The following DNAAF9 variants were observed in gnomAD, a reference collection of about 807,000 sequenced individuals.
The protein encoded by DNAAF9 is shulin.
DNAAF9 carries 90 observed loss-of-function variants against 167.0 expected under a neutral mutation model. That is an observed-to-expected ratio of 0.54 (90% confidence interval 0.45 to 0.64). DNAAF9 has a LOEUF of 0.64. DNAAF9 is among the 30% of genes least tolerant of loss of function. The probability of loss-of-function intolerance (pLI) is 0.00; values close to 1 mark genes in which losing one functional copy is unlikely to be tolerated. For missense variants in DNAAF9, 1,315 were observed against 1,442.2 expected (o/e 0.91, Z 1.43); for synonymous variants, 491 against 508.8 (o/e 0.96, Z 0.47).
chr20:3,342,139 G>C (rs1213046556), intron 9 of DNAAF9, among the ~76,000 whole-genome samples: 1 of 152,144 alleles, frequency 6.6e-6, no homozygotes, highest in East Asian at 1.9e-4. Context: ...ATGATCTGGT[G>C]AACTTTCTCA....
chr20:3,253,429 G>A (rs1046797964), intron 36 of DNAAF9, among the ~76,000 whole-genome samples: 1 of 152,076 alleles, frequency 6.6e-6, no homozygotes, highest in African/African-American at 2.4e-5. Context: ...CAGCAAGAGT[G>A]AAACTCCATC....
intron 8 of DNAAF9, among the ~76,000 whole-genome samples, chr20:3,344,781 T>C (rs1379229673): frequency 2.0e-5 from 3 of 152,178 alleles, no homozygotes; most frequent in Non-Finnish European, 2.9e-5. Flanking sequence ...CATGTCTACC[T>C]ACAATATGAG....
At chr20:3,379,161 G>A (rs988886246) in intron 3 of DNAAF9, among the ~76,000 whole-genome samples, 5 of 151,864 alleles carry the variant, frequency 3.3e-5, no homozygotes, top group Admixed American at 6.6e-5. Flanking sequence ...TTAGGATCCC[G>A]TAAGAGACAT....
At chr20:3,367,847 G>A (rs778598111) in intron 6 of DNAAF9, among the ~76,000 whole-genome samples, 4 of 150,872 alleles carry the variant, frequency 2.7e-5, no homozygotes, top group Non-Finnish European at 5.9e-5. Flanking sequence ...AAGTGAACAC[G>A]TGCTGTTGGA....
chr20:3,290,135 C>A lies in DNAAF9; in HGVS notation c.2321G>T (p.Cys774Phe). The part of the protein sequence containing the change: ...CAFLVTLHKE[C>F]GRWMVYRQIM... ...AGGCATCAGCCATACTAACCTGCCA[C>A]ATTCCTTATGCAGAGTGACCAGAAA... The change falls in exon 26 of 37, where the codon TGT becomes TTT. Residue 774 changes from cysteine (C) to phenylalanine (F), a missense_variant. Physicochemically the swap from Cys to Phe is radical, Grantham distance 205. Around this residue, in one of 2 missense-constraint regions of DNAAF9, gnomAD observed 981 missense variants for 1,012.5 expected, o/e 0.97. Transcript: ENST00000252032. The A allele has an allele frequency of 2.5e-6, 4 of 1,606,696 alleles. No individual in the cohort carries two copies. Among genetic ancestry groups the A allele is most frequent in the Non-Finnish European group, 3.4e-6 (4 of 1,173,114 alleles).
intron 9 of DNAAF9, among the ~76,000 whole-genome samples, chr20:3,341,187 C>T (rs1340789736): frequency 6.6e-6 from 1 of 152,140 alleles, no homozygotes; most frequent in Non-Finnish European, 1.5e-5. Context: ...TTTCTGCTCA[C>T]TCCTCAGCCC....
rs368185350 is a variant in DNAAF9 at position 3,332,313 on chromosome 20, A to G, written c.1030T>C (p.Tyr344His). The stretch of plus-strand genomic sequence containing the variant: ...GGAACATGAGTAGCTCCAAAAAAGT[A>G]TGTTCTCGAACAAGCAAGAGGTCCC... ...PKGPLACSRT[Y>H]FFGATHVPYL... is the part of the protein sequence containing the mutation. Residue 344 changes from tyrosine (Y) to histidine (H), a missense_variant, in exon 11 of 37, where the codon TAC becomes CAC. Coordinates refer to ENST00000252032, the MANE Select transcript of DNAAF9 (RefSeq NM_001009984.3). 3 of 1,606,554 alleles carry G rather than the reference A, an allele frequency of 1.9e-6. No individual in the cohort carries two copies. Among genetic ancestry groups the G allele is most frequent in the Non-Finnish European group, 2.6e-6 (3 of 1,173,348 alleles).
chr20:3,367,128 G>A lies in DNAAF9; in HGVS notation c.612+6920C>T, dbSNP rs970037586. Among the ~76,000 whole-genome samples the A allele has an allele frequency of 3.9e-5, 6 of 152,144 alleles. No homozygotes were observed. The South Asian group carries it at 1.2e-3, about 32-fold the overall frequency. On this transcript the variant is annotated intron_variant, in intron 6 of 36. Transcript: ENST00000252032. ...TTACTGCTTCATCTTGCACTTTTATGTTTTAGAGACAGCTTCTTTCCTTAA... is the reference window on the plus strand; with the variant it reads ...TTACTGCTTCATCTTGCACTTTTATATTTTAGAGACAGCTTCTTTCCTTAA...
Position 3,348,638 on chromosome 20 carries a change from A to G in DNAAF9, c.691-15T>C. 1 of 1,540,860 alleles carries G rather than the reference A, an allele frequency of 6.5e-7. No homozygotes were observed. Among genetic ancestry groups the G allele is most frequent in the Non-Finnish European group, 8.9e-7 (1 of 1,125,964 alleles). On this transcript the variant is annotated splice_polypyrimidine_tract_variant and intron_variant, in intron 7 of 36. Coordinates refer to ENST00000252032, the MANE Select transcript of DNAAF9 (RefSeq NM_001009984.3). ...GCCACCAAATCCTGGGAAAAAAAGG[A>G]AAAAGATAACGTGTTTGGTCATATA... is the stretch of plus-strand genomic sequence containing the variant.
At chr20:3,359,237 G>C (rs1011937194) in intron 7 of DNAAF9, among the ~76,000 whole-genome samples, 1 of 152,146 alleles carries the variant, frequency 6.6e-6, no homozygotes, top group African/African-American at 2.4e-5. Context: ...CCAACAGAAA[G>C]AATGCCTTTA....
At chr20:3,347,025 C>T (rs1346334014) in intron 8 of DNAAF9, among the ~76,000 whole-genome samples, 2 of 151,980 alleles carry the variant, frequency 1.3e-5, no homozygotes, top group Non-Finnish European at 2.9e-5. Flanking sequence ...TCAACAAAAT[C>T]CAAGCACAAG....
chr20:3,270,413 A>T lies in DNAAF9; in HGVS notation c.2786+14T>A. Reference sequence around the variant, plus strand: ...AGAAAGCAACTGGTCTTGCAGAGTGAATCTATAGATTACCTGGTGACAATC... The same window carrying T: ...AGAAAGCAACTGGTCTTGCAGAGTGTATCTATAGATTACCTGGTGACAATC... On this transcript the variant is annotated intron_variant, in intron 30 of 36. Coordinates refer to ENST00000252032, the MANE Select transcript of DNAAF9 (RefSeq NM_001009984.3). The T allele has an allele frequency of 6.2e-7, 1 of 1,612,618 alleles. No homozygotes were observed. Among genetic ancestry groups the T allele is most frequent in the Non-Finnish European group, 8.5e-7 (1 of 1,178,776 alleles).
At chr20:3,376,915 A>G in intron 3 of DNAAF9, among the ~76,000 whole-genome samples, 1 of 152,068 alleles carries the variant, frequency 6.6e-6, no homozygotes, top group East Asian at 1.9e-4. Flanking sequence ...ACAAAAACAC[A>G]AAAATTAGCC....
chr20:3,332,790 GATTT>G (rs1466119857), intron 10 of DNAAF9, among the ~76,000 whole-genome samples: 3 of 152,080 alleles, frequency 2.0e-5, no homozygotes, highest in East Asian at 1.9e-4. Context: ...CTACAAAACA[GATTT>G]ATTATTTTTT....
intron 17 of DNAAF9, 100 bp from the exon 18 acceptor site, chr20:3,316,893 T>C (rs77269240): frequency 4.6e-6 from 2 of 435,004 alleles, no homozygotes; most frequent in Non-Finnish European, 7.9e-6. Flanking sequence ...TAGGGTTCTT[T>C]TTTTTTTTTT....
At position 3,253,628 on chromosome 20, in the gene DNAAF9, T is replaced by C. The variant is rs964247318; in HGVS notation, c.3421+98A>G. On this transcript the variant is annotated intron_variant, in intron 36 of 36. Coordinates refer to ENST00000252032, the MANE Select transcript of DNAAF9 (RefSeq NM_001009984.3). ...ATGCAGAGTGCTCCTGGGGCTCAAA[T>C]GCATGGCTCTGGCAGACAACCGCTT... 2.3e-5 allele frequency: 18 copies of C among 767,114 alleles called. No individual in the cohort carries two copies. The African/African-American group carries it at 2.4e-4, about 10-fold the overall frequency. The allele number at this position is 767,114 out of a possible 1,614,324, so 47.5% of individuals were successfully genotyped here.
At chr20:3,377,680 G>A (rs1188301408) in intron 3 of DNAAF9, among the ~76,000 whole-genome samples, 8 of 151,718 alleles carry the variant, frequency 5.3e-5, no homozygotes, top group South Asian at 2.1e-4. Context: ...GGCTGGTCTC[G>A]AACTCCTAAG....
chr20:3,374,279 T>A, intron 5 of DNAAF9, 125 bp from the exon 6 acceptor site: 1 of 508,514 alleles, frequency 2.0e-6, no homozygotes, highest in East Asian at 3.0e-5. Context: ...CCTAGCAAAA[T>A]AAAATACAAA....
intron 35 of DNAAF9, among the ~76,000 whole-genome samples, chr20:3,254,803 A>T (rs1055310870): frequency 2.0e-5 from 3 of 152,166 alleles, no homozygotes; most frequent in African/African-American, 4.8e-5. Flanking sequence ...GAGGCTCATC[A>T]AGGGGGTCTC....
Sources: gnomAD v4.1 joint callset for allele counts (sites outside exome capture counted in the v4.1 genomes callset) on GRCh38, gnomAD v4.1.1 for gene constraint, gnomAD v4.1.1 regional missense constraint, MANE v1.5 for transcripts, NCBI Gene and HGNC (gene_info 2026-07-23, HGNC 2026-07-21) for gene names.